Variants in UBAP2 observed in about 807,000 individuals in gnomAD.
UBAP2 encodes the protein ubiquitin-associated protein 2.
In UBAP2, 75 loss-of-function variants were observed where a neutral mutation model predicts 139.6. The observed-to-expected ratio is 0.54, with a 90% CI of 0.45 to 0.65. The LOEUF is 0.65. Among genes scored for constraint, UBAP2 ranks in the 30% least tolerant of loss-of-function variants. The pLI, the probability that UBAP2 is intolerant of heterozygous loss-of-function variation, is 0.00. For synonymous variants in UBAP2, 526 were observed against 526.2 expected, an observed-to-expected ratio of 1.00 and a Z score of 0.01; for missense variants, 1,368 against 1,369.6, an observed-to-expected ratio of 1.00 and a Z score of 0.02.
Position 33,923,902 on chromosome 9 carries a change from C to CTGTG in UBAP2, c.2685_2688dup (p.Ala897HisfsTer16), listed in dbSNP as rs1197527799. The CTGTG allele has an allele frequency of 6.2e-7, 1 of 1,614,160 alleles. No homozygotes were observed. Among genetic ancestry groups the CTGTG allele is most frequent in the East Asian group, 2.2e-5 (1 of 44,882 alleles). ...GCAGGATTCACGAAGGGCTGCTGGGCTGTGTGGTGGGTCTGTGATTGGCTC... is the reference window on the plus strand; with the variant it reads ...GCAGGATTCACGAAGGGCTGCTGGGCTGTGTGTGTGGTGGGTCTGTGATTGGCTC... On this transcript the variant is annotated frameshift_variant, in exon 24 of 29. Coordinates refer to ENST00000379238, the MANE Select transcript of UBAP2 (RefSeq NM_001370062.2). LOFTEE classifies it high-confidence loss of function.
At position 33,971,706 on chromosome 9, in the gene UBAP2, A is replaced by G. The variant is rs760289900; in HGVS notation, c.624T>C (p.Cys208=). 6.2e-7 allele frequency: 1 copy of G among 1,612,974 alleles called. No homozygotes were observed. The highest frequency in any genetic ancestry group is 1.1e-5 in the South Asian group (1 of 91,064). The change falls in exon 8 of 29, where the codon TGT becomes TGC. Residue 208 remains cysteine, a synonymous_variant. Transcript: ENST00000379238. ...DYSDSTSTDV[C]GTKLVVWEAA... is the part of the protein sequence containing the mutation. Reference sequence around the variant, plus strand: ...CTTCCCAAACTACTAGCTTTGTCCCACACACATCTGTAGATGTAGAATCTG... The same window carrying G: ...CTTCCCAAACTACTAGCTTTGTCCCGCACACATCTGTAGATGTAGAATCTG...
Position 33,956,115 on chromosome 9 carries a change from G to C in UBAP2, c.830C>G (p.Ser277Cys), listed in dbSNP as rs200578214. Residue 277 changes from serine to cysteine, a missense_variant, in exon 11 of 29, where the codon TCT becomes TGT. Coordinates refer to ENST00000379238, the MANE Select transcript of UBAP2 (RefSeq NM_001370062.2). ...TAAGATGTGATTCTCTGCTGGAGCA[G>C]ATGAGGCAGTGAAGACCTTTGTTTC... ...LSETKVFTAS[S>C]APAENHILPG... 3.0e-5 allele frequency: 49 copies of C among 1,613,678 alleles called. No individual in the cohort carries two copies. Among genetic ancestry groups the C allele is most frequent in the Non-Finnish European group, 4.0e-5 (47 of 1,179,906 alleles).
intron 19 of UBAP2, among the ~76,000 whole-genome samples, chr9:33,929,707 A>T (rs1201789524): frequency 1.3e-5 from 2 of 152,180 alleles, no homozygotes; most frequent in Non-Finnish European, 2.9e-5. Flanking sequence ...CAAGAATATA[A>T]ATAGCTCACA....
intron 2 of UBAP2, among the ~76,000 whole-genome samples, chr9:34,014,251 C>A (rs1252278175): frequency 7.2e-6 from 1 of 139,752 alleles, no homozygotes; most frequent in Non-Finnish European, 1.5e-5. Flanking sequence ...CGCCTGAACC[C>A]CAGAGGCGGA....
Position 33,986,807 on chromosome 9 carries a change from T to C in UBAP2, c.473A>G (p.Asn158Ser), listed in dbSNP as rs75251304. The C allele has an allele frequency of 6.1e-4, 985 of 1,614,160 alleles. 8 individuals are homozygous for C. The East Asian group carries it at 0.019, about 31-fold the overall frequency. ...ACGATCTGAAGGTTTGTCCACTTGA[T>C]TGCAATCAATTCCATTTTCTTCACC... ...FRGEENGIDCNQVDKPSDRGK... is the reference protein window; with the variant it reads ...FRGEENGIDCSQVDKPSDRGK... The change falls in exon 6 of 29, where the codon AAT (asparagine) becomes AGT (serine). Residue 158 changes from asparagine (N) to serine (S), a missense_variant. Asn to Ser is a conservative substitution (Grantham distance 46). Transcript: ENST00000379238.
At chr9:33,975,731 G>A (rs1034500955) in intron 6 of UBAP2, among the ~76,000 whole-genome samples, 2 of 151,268 alleles carry the variant, frequency 1.3e-5, no homozygotes, top group African/African-American at 4.9e-5. Flanking sequence ...TGAACCCGGA[G>A]GCGGAGCTTG....
intron 19 of UBAP2, chr9:33,928,628 G>C (rs563208892): frequency 6.6e-6 from 1 of 152,554 alleles, no homozygotes; most frequent in East Asian, 1.9e-4. Context: ...AAGAAAGAGT[G>C]AACCAGCGGA....
rs1460453477 is a variant in UBAP2, at chr9:33,922,781, G to C, written c.3170C>G (p.Pro1057Arg). The change falls in exon 28 of 29, where the codon CCT becomes CGT. Residue 1057 changes from proline to arginine, a missense_variant. By Grantham distance (103) the Pro-to-Arg change is moderately radical (BLOSUM62 -2). Coordinates refer to ENST00000379238, the MANE Select transcript of UBAP2 (RefSeq NM_001370062.2). ...STGPLASGAA[P>R]GYAPPPFLHI... The stretch of plus-strand genomic sequence containing the variant: ...TAGGAATGGTGGGGGTGCATAGCCA[G>C]GGGCCGCTCCCGAGGCCAGGGGCCC... 1 of 1,560,946 alleles carries C rather than the reference G, an allele frequency of 6.4e-7. No individual in the cohort carries two copies. The highest frequency in any genetic ancestry group is 2.3e-5 in the East Asian group (1 of 44,434).
chr9:33,934,171 T>TC, intron 17 of UBAP2: 1 of 158,480 alleles, frequency 6.3e-6, no homozygotes, highest in Non-Finnish European at 1.4e-5. Flanking sequence ...AGTCCAACTG[T>TC]CCAACACCTA....
At chr9:33,978,637 C>A (rs634110) in intron 6 of UBAP2, among the ~76,000 whole-genome samples, 60,435 of 151,600 alleles carry the variant, frequency 0.4, 12,433 homozygotes, top group South Asian at 0.48. Context: ...AAAATTAGCC[C>A]GATGTGCTGG....
chr9:33,974,995 A>G (rs2131069828), intron 6 of UBAP2, among the ~76,000 whole-genome samples: 1 of 152,218 alleles, frequency 6.6e-6, no homozygotes, highest in South Asian at 2.1e-4. Flanking sequence ...TCCAAAGAAG[A>G]TATACAAATG....
intron 2 of UBAP2, among the ~76,000 whole-genome samples, chr9:34,006,779 C>A (rs953969263): frequency 2.0e-5 from 3 of 152,082 alleles, no homozygotes; most frequent in Non-Finnish European, 4.4e-5. Flanking sequence ...ATTGTGAACA[C>A]CACCAAACAC....
At chr9:33,943,248 A>G (rs552255718) in intron 15 of UBAP2, among the ~76,000 whole-genome samples, 172 bp downstream of exon 15, 83 of 152,330 alleles carry the variant, frequency 5.4e-4, no homozygotes, top group African/African-American at 2.0e-3. Context: ...GCTAAGGGGC[A>G]GGGCAATGAA....
intron 1 of UBAP2, among the ~76,000 whole-genome samples, chr9:34,038,925 C>A (rs1195947991): frequency 7.7e-6 from 1 of 130,066 alleles, no homozygotes; most frequent in East Asian, 2.0e-4. Context: ...AGCGCCTCTG[C>A]CCCGCCACCC....
intron 3 of UBAP2, 65 bp downstream of exon 3, chr9:33,998,722 A>G: frequency 6.8e-7 from 1 of 1,465,540 alleles, no homozygotes; most frequent in Non-Finnish European, 9.4e-7. Flanking sequence ...CTTTACTGAA[A>G]TTATCTTTTT....
intron 1 of UBAP2, among the ~76,000 whole-genome samples, chr9:34,024,522 A>C (rs1825240674): frequency 6.6e-6 from 1 of 152,192 alleles, no homozygotes; most frequent in Non-Finnish European, 1.5e-5. Context: ...AAAAGTCTTA[A>C]TATTAAAGAT....
At chr9:33,979,161 G>A (rs1441276174) in intron 6 of UBAP2, among the ~76,000 whole-genome samples, 3 of 152,094 alleles carry the variant, frequency 2.0e-5, no homozygotes, top group Non-Finnish European at 4.4e-5. Flanking sequence ...TTGCTTGAAC[G>A]TAAGAGTTGG....
chr9:34,039,816 C>T (rs1341694408), intron 1 of UBAP2, among the ~76,000 whole-genome samples: 2 of 119,596 alleles, frequency 1.7e-5, no homozygotes, highest in Non-Finnish European at 3.3e-5. Flanking sequence ...TCCCCCTCTG[C>T]GAGAAACACC....
At chr9:34,031,784 CA>C (rs1232080568) in intron 1 of UBAP2, among the ~76,000 whole-genome samples, 18 of 134,512 alleles carry the variant, frequency 1.3e-4, no homozygotes, top group Non-Finnish European at 2.5e-4. Context: ...GACCCTGTCC[CA>C]AACCAAAAAA....
Sources: allele counts gnomAD v4.1 joint callset (sites outside exome capture counted in the v4.1 genomes callset), GRCh38; gene constraint gnomAD v4.1.1; transcripts MANE v1.5; gene names NCBI Gene and HGNC (gene_info 2026-07-23, HGNC 2026-07-21).